Variants in IRAG2 observed in about 807,000 individuals in gnomAD.
IRAG2 encodes the protein lymphoid restricted membrane protein.
IRAG2 carries 45 observed loss-of-function variants against 69.9 expected under a neutral mutation model. The ratio of observed to expected loss-of-function variants is 0.64; its 90% CI spans 0.51 to 0.83. IRAG2 has a LOEUF of 0.83. Among genes scored for constraint, IRAG2 ranks in the 40% least tolerant of loss-of-function variants. IRAG2 has a pLI of 0.00. For missense variants in IRAG2, 520 were observed against 587.0 expected, an observed-to-expected ratio of 0.89 and a Z score of 1.18; for synonymous variants, 193 against 202.4, an observed-to-expected ratio of 0.95 and a Z score of 0.40.
At chr12:25,103,725 C>A in intron 17 of IRAG2, 112 bp from the exon 18 acceptor site, 1 of 742,710 alleles carries the variant, frequency 1.3e-6, no homozygotes, top group Non-Finnish European at 2.3e-6. Flanking sequence ...GTCTGTTTAA[C>A]TCAGCTGTGG....
chr12:25,016,488 C>T (rs147894059), intron 5 of IRAG2, among the ~76,000 whole-genome samples: 1 of 152,230 alleles, frequency 6.6e-6, no homozygotes, highest in African/African-American at 2.4e-5. Context: ...ATAGGCTGGG[C>T]ACAGAGGCTC....
upstream of IRAG2, among the ~76,000 whole-genome samples, chr12:25,002,071 G>A (rs1944395869): frequency 6.6e-6 from 1 of 151,796 alleles, no homozygotes; most frequent in African/African-American, 2.4e-5. Context: ...CTTAACTACT[G>A]TTTTATAAGG....
chr12:25,005,327 T>G (rs1335241517), exon 2 of IRAG2: 4 of 1,228,222 alleles, frequency 3.3e-6, no homozygotes, highest in Non-Finnish European at 4.1e-6. Flanking sequence ...CACAAGTATT[T>G]TTAATGCATG....
chr12:25,050,233 AG>A (rs1944832215), upstream of IRAG2, among the ~76,000 whole-genome samples: 2 of 151,742 alleles, frequency 1.3e-5, no homozygotes, highest in Admixed American at 6.6e-5. Flanking sequence ...CAGGCACTAT[AG>A]AAAATGTTAT....
chr12:25,018,324 C>T (rs138384096), intron 6 of IRAG2, among the ~76,000 whole-genome samples: 4 of 151,960 alleles, frequency 2.6e-5, no homozygotes, highest in East Asian at 3.9e-4. Flanking sequence ...CCTCACCCCC[C>T]ACCCCTCAAG....
intron 14 of IRAG2, chr12:25,090,781 G>A (rs1947990541): frequency 2.2e-6 from 1 of 448,994 alleles, no homozygotes; most frequent in Admixed American, 2.4e-5. Context: ...GGTTGCATGA[G>A]TCATCTGCCT....
intron 8 of IRAG2, among the ~76,000 whole-genome samples, chr12:25,025,242 A>T (rs1051469482): frequency 2.6e-5 from 4 of 152,194 alleles, no homozygotes; most frequent in African/African-American, 9.7e-5. Flanking sequence ...TGCAATTTAA[A>T]CTAGGGTGGT....
At chr12:25,006,072 G>A (rs187135685) in intron 2 of IRAG2, among the ~76,000 whole-genome samples, 14 of 151,992 alleles carry the variant, frequency 9.2e-5, no homozygotes. Context: ...CAAAGGACAT[G>A]AACAGACACT....
At chr12:25,048,345 C>T (rs1274006274), upstream of IRAG2, among the ~76,000 whole-genome samples, 1 of 152,044 alleles carries the variant, frequency 6.6e-6, no homozygotes, top group Non-Finnish European at 1.5e-5. Context: ...GGCTGGAGTG[C>T]AATGGCGGGG....
At chr12:25,079,928 C>T (rs1410316333) in intron 9 of IRAG2, among the ~76,000 whole-genome samples, 165 bp downstream of exon 9, 1 of 152,056 alleles carries the variant, frequency 6.6e-6, no homozygotes, top group African/African-American at 2.4e-5. Context: ...GAAAAGAAAT[C>T]CAAGTGGTAA....
In IRAG2 at chr12:25,077,838, G is replaced by A. The variant is rs144129700; in HGVS notation, c.25-1406G>A. 1.8e-3 allele frequency among the ~76,000 whole-genome samples: 281 copies of A among 152,250 alleles called. 2 individuals are homozygous for A. The highest frequency in any genetic ancestry group is 2.2e-3 in the Non-Finnish European group (149 of 68,022). ...AATGAAGTAAAAAAGAGAAAAAGTTGACCAACATCATTGATGCAGAAGTAG... is the reference window on the plus strand; with the variant it reads ...AATGAAGTAAAAAAGAGAAAAAGTTAACCAACATCATTGATGCAGAAGTAG... On this transcript the variant is annotated intron_variant, in intron 6 of 21. Coordinates refer to ENST00000556887, the MANE Select transcript of IRAG2 (RefSeq NM_001366544.2).
intron 20 of IRAG2, among the ~76,000 whole-genome samples, chr12:25,105,357 T>G (rs2140265764): frequency 6.6e-6 from 1 of 152,304 alleles, no homozygotes; most frequent in East Asian, 1.9e-4. Context: ...ATTACAGGCT[T>G]GAGCCACTGC....
chr12:25,052,048 T>G (rs1255379055), upstream of IRAG2, among the ~76,000 whole-genome samples: 1 of 152,176 alleles, frequency 6.6e-6, no homozygotes, highest in Admixed American at 6.5e-5. Context: ...AAGCGACCAA[T>G]AAGCTTTGCT....
At chr12:25,074,555 A>G (rs1305640658) in intron 6 of IRAG2, among the ~76,000 whole-genome samples, 1 of 152,116 alleles carries the variant, frequency 6.6e-6, no homozygotes, top group Non-Finnish European at 1.5e-5. Flanking sequence ...TCTTCCTTCT[A>G]TCTTACTTCA....
At chr12:25,020,091 A>G (rs571375411) in intron 6 of IRAG2, among the ~76,000 whole-genome samples, 1 of 152,332 alleles carries the variant, frequency 6.6e-6, no homozygotes, top group Admixed American at 6.5e-5. Flanking sequence ...TAAATGATCA[A>G]TGTAATTTCT....
At chr12:25,071,323 G>T (rs979499546) in intron 6 of IRAG2, among the ~76,000 whole-genome samples, 6 of 152,008 alleles carry the variant, frequency 3.9e-5, no homozygotes, top group African/African-American at 1.4e-4. Flanking sequence ...TCCAGCCTGG[G>T]TAACAGGAAA....
rs1182637658 is a variant in IRAG2 at position 25,088,125 on chromosome 12, T to C, written c.341T>C (p.Ile114Thr). The stretch of plus-strand genomic sequence containing the variant: ...GAAGCCAAAGAGGAACCAGAAACAA[T>C]AGAAGAACATAAAAAAGAACATGCT... Reference protein sequence around the residue: ...NLEAKEEPETIEEHKKEHASG... With the variant: ...NLEAKEEPETTEEHKKEHASG... Residue 114 changes from isoleucine to threonine, a missense_variant, in exon 11 of 22, where the codon ATA (isoleucine) becomes ACA (threonine). Physicochemically the swap from Ile to Thr is moderately conservative, Grantham distance 89. Coordinates refer to ENST00000556887, the MANE Select transcript of IRAG2 (RefSeq NM_001366544.2). The C allele has an allele frequency of 1.8e-5, 29 of 1,613,220 alleles. No homozygotes were observed. Among genetic ancestry groups the C allele is most frequent in the Non-Finnish European group, 2.4e-5 (28 of 1,179,376 alleles).
rs932251036 is a variant in IRAG2, at chr12:25,056,256, C to T, written c.-447+3300C>T. Among the ~76,000 whole-genome samples, 4 of 152,026 alleles carry T rather than the reference C, an allele frequency of 2.6e-5. No homozygotes were observed. In the South Asian group the frequency reaches 6.2e-4, roughly 24 times the overall value. Reference sequence around the variant, plus strand: ...CAGGAGGGAAATGAGCCAAAGAAGGCGGGTGAAGGGATCCAGGTGATTGAG... The same window carrying T: ...CAGGAGGGAAATGAGCCAAAGAAGGTGGGTGAAGGGATCCAGGTGATTGAG... On this transcript the variant is annotated intron_variant, in intron 1 of 21. Coordinates refer to ENST00000556887, the MANE Select transcript of IRAG2 (RefSeq NM_001366544.2).
chr12:25,056,561 AGTT>A (rs1266364635), intron 1 of IRAG2, among the ~76,000 whole-genome samples: 2 of 152,202 alleles, frequency 1.3e-5, no homozygotes, highest in African/African-American at 4.8e-5. Flanking sequence ...GGTTAAATGC[AGTT>A]GTTGTGAATT....
Sources: allele counts gnomAD v4.1 joint callset (sites outside exome capture counted in the v4.1 genomes callset), GRCh38; gene constraint gnomAD v4.1.1; transcripts MANE v1.5; gene names NCBI Gene and HGNC (gene_info 2026-07-23, HGNC 2026-07-21).